The following CDYL variants were observed in gnomAD, a reference collection of about 807,000 sequenced individuals.
CDYL encodes the protein chromodomain Y-like protein.
In CDYL, 8 loss-of-function variants were observed where a neutral mutation model predicts 47.3. The ratio of observed to expected loss-of-function variants is 0.17; its 90% CI spans 0.10 to 0.31. The LOEUF is 0.31. Ranked by LOEUF, CDYL falls within the 10% of genes least tolerant of loss-of-function variation. CDYL has a pLI of 1.00. For synonymous variants in CDYL, 266 were observed against 265.0 expected (o/e 1.00, Z -0.04); for missense variants, 471 against 701.4 (o/e 0.67, Z 3.71).
At chr6:4,753,137 C>T (rs1758024180) in intron 3 of CDYL, among the ~76,000 whole-genome samples, 1 of 152,106 alleles carries the variant, frequency 6.6e-6, no homozygotes, top group Non-Finnish European at 1.5e-5. Context: ...GACTCGAACT[C>T]CTGAGCTCAA....
intron 1 of CDYL, among the ~76,000 whole-genome samples, chr6:4,709,364 A>G (rs954218218): frequency 1.3e-5 from 2 of 152,102 alleles, no homozygotes; most frequent in African/African-American, 4.8e-5. Context: ...TGCCCGGCTA[A>G]TTTTTGTATT....
intron 1 of CDYL, among the ~76,000 whole-genome samples, chr6:4,852,914 T>C (rs1760894811): frequency 1.3e-5 from 2 of 151,980 alleles, no homozygotes; most frequent in African/African-American, 4.8e-5. Flanking sequence ...TCCTCCTGCC[T>C]CAGTCATTTG....
chr6:4,717,796 TTTC>T (rs1168574079), intron 2 of CDYL, among the ~76,000 whole-genome samples: 3 of 151,728 alleles, frequency 2.0e-5, no homozygotes, highest in East Asian at 1.9e-4. Flanking sequence ...TTTTTGTTGT[TTTC>T]TTATTTTTTA....
intron 2 of CDYL, among the ~76,000 whole-genome samples, chr6:4,720,837 A>G (rs536496675): frequency 6.6e-6 from 1 of 152,334 alleles, no homozygotes; most frequent in South Asian, 2.1e-4. Context: ...TTTTAACCCA[A>G]TTAAATTTCC....
At chr6:4,734,710 G>C in intron 2 of CDYL, 1 of 1,605,880 alleles carries the variant, frequency 6.2e-7, no homozygotes, top group South Asian at 1.1e-5. Context: ...ATGGGGATGG[G>C]GAAGAGGATG....
chr6:4,819,158 C>CTGTGTG (rs1447808844), intron 1 of CDYL, among the ~76,000 whole-genome samples: 1 of 129,060 alleles, frequency 7.7e-6, no homozygotes, highest in African/African-American at 4.2e-5. Context: ...CTCTCTCTCT[C>CTGTGTG]TCTCTGTGTG....
intron 1 of CDYL, among the ~76,000 whole-genome samples, chr6:4,857,189 G>A (rs1307959794): frequency 1.3e-5 from 2 of 152,096 alleles, no homozygotes; most frequent in African/African-American, 2.4e-5. Context: ...ACCATTTTCT[G>A]TGTACAGTTC....
At chr6:4,750,945 T>C (rs923165490) in intron 3 of CDYL, among the ~76,000 whole-genome samples, 10 of 151,450 alleles carry the variant, frequency 6.6e-5, no homozygotes, top group Non-Finnish European at 8.8e-5. Context: ...CTCTGCCTCC[T>C]GGGTTCACGC....
chr6:4,925,541 G>C (rs1010312612), intron 2 of CDYL, among the ~76,000 whole-genome samples: 2 of 147,762 alleles, frequency 1.4e-5, no homozygotes, highest in East Asian at 4.1e-4. Flanking sequence ...TCAGCCTCCC[G>C]AGTAGCTGGG....
At chr6:4,950,550 C>T (rs1489489910) in intron 5 of CDYL, among the ~76,000 whole-genome samples, 3 of 152,182 alleles carry the variant, frequency 2.0e-5, no homozygotes, top group Non-Finnish European at 4.4e-5. Context: ...ACAGTAAGGT[C>T]GGGTCGCGTT....
intron 3 of CDYL, among the ~76,000 whole-genome samples, chr6:4,745,940 G>A (rs1441630741): frequency 2.0e-5 from 3 of 152,196 alleles, no homozygotes; most frequent in Non-Finnish European, 4.4e-5. Context: ...ACCAGAATGT[G>A]GGAGCCATGG....
chr6:4,877,915 G>A (rs1349417913), intron 1 of CDYL, among the ~76,000 whole-genome samples: 2 of 152,104 alleles, frequency 1.3e-5, no homozygotes, highest in African/African-American at 4.8e-5. Flanking sequence ...AGATGCATTT[G>A]GGGGAAATTT....
intron 3 of CDYL, among the ~76,000 whole-genome samples, chr6:4,736,144 A>G (rs1448387804): frequency 6.6e-6 from 1 of 152,186 alleles, no homozygotes; most frequent in Non-Finnish European, 1.5e-5. Context: ...CTCAAGTGAA[A>G]TGATGTAGTG....
intron 1 of CDYL, among the ~76,000 whole-genome samples, chr6:4,801,702 G>A (rs1000689259): frequency 3.3e-5 from 5 of 152,108 alleles, no homozygotes; most frequent in African/African-American, 9.7e-5. Flanking sequence ...TTTCTCTGTG[G>A]TTGTCTTTAT....
chr6:4,915,449 C>G (rs1757529923), intron 2 of CDYL, among the ~76,000 whole-genome samples: 1 of 152,048 alleles, frequency 6.6e-6, no homozygotes, highest in Non-Finnish European at 1.5e-5. Context: ...CCAAGGGGAC[C>G]CTAAAGAAAC....
chr6:4,712,820 G>C (rs370441085), intron 1 of CDYL, among the ~76,000 whole-genome samples: 1 of 152,230 alleles, frequency 6.6e-6, no homozygotes, highest in Non-Finnish European at 1.5e-5. Context: ...GCAGGAAGGG[G>C]TTCTTTCCAG....
At chr6:4,711,777 A>G (rs1749482380) in intron 1 of CDYL, among the ~76,000 whole-genome samples, 1 of 152,186 alleles carries the variant, frequency 6.6e-6, no homozygotes, top group Admixed American at 6.6e-5. Flanking sequence ...ATAAAAGAAA[A>G]AAGCAGGCTG....
intron 1 of CDYL, among the ~76,000 whole-genome samples, chr6:4,785,663 A>T (rs143049409): frequency 1.0e-3 from 155 of 152,368 alleles, no homozygotes; most frequent in African/African-American, 3.6e-3. Flanking sequence ...GGACAAAAAA[A>T]GTCATCTTAG....
At chr6:4,868,566 C>T (rs191562830) in intron 1 of CDYL, among the ~76,000 whole-genome samples, 19 of 152,138 alleles carry the variant, frequency 1.2e-4, no homozygotes, top group Admixed American at 1.1e-3. Flanking sequence ...TGTTTTATGG[C>T]CTACATTCTG....
Sources: allele counts gnomAD v4.1 joint callset (sites outside exome capture counted in the v4.1 genomes callset), GRCh38; gene constraint gnomAD v4.1.1; transcripts MANE v1.5; gene names NCBI Gene and HGNC (gene_info 2026-07-23, HGNC 2026-07-21).